The following GALNT16 variants were observed in gnomAD, a reference collection of about 807,000 sequenced individuals.
The protein encoded by GALNT16 is UDP-GalNAc:polypeptide N-acetylgalactosaminyltransferase-like protein 1.
A neutral mutation model predicts 76.1 loss-of-function variants in GALNT16; 40 were observed. The ratio of observed to expected loss-of-function variants is 0.53; its 90% CI spans 0.41 to 0.68. The LOEUF is 0.68. GALNT16 is among the 30% of genes least tolerant of loss of function. The pLI is 0.00. For missense variants in GALNT16, 621 were observed against 731.9 expected (o/e 0.85, Z 1.75); for synonymous variants, 276 against 285.2 (o/e 0.97, Z 0.32).
At chr14:69,263,320 G>A (rs1478715284) in intron 1 of GALNT16, among the ~76,000 whole-genome samples, 2 of 152,344 alleles carry the variant, frequency 1.3e-5, no homozygotes, top group East Asian at 1.9e-4. Context: ...GGGGATGTAC[G>A]TTCAAGCTTC....
the GALNT16 span, among the ~76,000 whole-genome samples, chr14:69,377,914 C>T: frequency 6.6e-6 from 1 of 150,428 alleles, no homozygotes; most frequent in Admixed American, 6.6e-5. Context: ...TCATTCCAAC[C>T]TTCAAATGAT....
chr14:69,372,146 G>A, the GALNT16 span, among the ~76,000 whole-genome samples: 1 of 152,206 alleles, frequency 6.6e-6, no homozygotes, highest in Middle Eastern at 3.4e-3. Flanking sequence ...CCTGCAGTGA[G>A]GAGTTAGAGC....
At chr14:69,309,300 TC>T (rs1205480285) in intron 1 of GALNT16, among the ~76,000 whole-genome samples, 1 of 150,952 alleles carries the variant, frequency 6.6e-6, no homozygotes, top group African/African-American at 2.4e-5. Flanking sequence ...TTCTTTTCCT[TC>T]TTTTTTTTTT....
chr14:69,263,150 G>A (rs758651527), intron 1 of GALNT16, among the ~76,000 whole-genome samples: 5 of 152,204 alleles, frequency 3.3e-5, no homozygotes, highest in African/African-American at 4.8e-5. Context: ...AAAGTGCACA[G>A]CAAGGCTTCT....
chr14:69,322,425 A>G (rs1417968042), intron 2 of GALNT16, among the ~76,000 whole-genome samples: 2 of 152,232 alleles, frequency 1.3e-5, no homozygotes, highest in African/African-American at 4.8e-5. Flanking sequence ...CTTGCCCTGG[A>G]TAATCTCTGT....
chr14:69,344,687 A>G (rs750942647), intron 12 of GALNT16, among the ~76,000 whole-genome samples: 2 of 152,008 alleles, frequency 1.3e-5, no homozygotes, highest in Non-Finnish European at 2.9e-5. Context: ...GGGCATTGCC[A>G]CTCTTGGTCA....
downstream of GALNT16, chr14:69,356,554 C>CTTTTTTTTTTTTTTTTTTTTTTTTT (rs763230954): frequency 6.9e-4 from 81 of 117,320 alleles, 10 homozygotes; most frequent in African/African-American, 1.2e-3. Flanking sequence ...GCTGTGAGCT[C>CTTTTTTTTTTTTTTTTTTTTTTTTT]TTTTTTTTTT....
At chr14:69,341,589 T>C (rs1369951492) in intron 11 of GALNT16, 92 bp from the exon 12 acceptor site, 6 of 777,004 alleles carry the variant, frequency 7.7e-6, no homozygotes, top group Non-Finnish European at 1.1e-5. Flanking sequence ...CTGCCTGAGA[T>C]AGTTGGGGCT....
chr14:69,332,127 A>T (rs2045358914), intron 7 of GALNT16, among the ~76,000 whole-genome samples: 1 of 152,276 alleles, frequency 6.6e-6, no homozygotes, highest in Admixed American at 6.5e-5. Context: ...ATACCTCATT[A>T]GTAATTTTTT....
At chr14:69,384,459 G>C in the GALNT16 span, among the ~76,000 whole-genome samples, 1 of 152,164 alleles carries the variant, frequency 6.6e-6, no homozygotes, top group Non-Finnish European at 1.5e-5. Flanking sequence ...TGCCACTCCA[G>C]CTAGCTCTTA....
Position 69,333,161 on chromosome 14 carries a change from G to T in GALNT16, c.855G>T (p.Arg285Ser), listed in dbSNP as rs1234392271. Residue 285 changes from arginine (R) to serine (S), a missense_variant, in exon 8 of 15, where the codon AGG (arginine) becomes AGT (serine). Transcript: ENST00000448469. This position sits in a 1 kb window ranked among gnomAD's most constrained non-coding sequence, Gnocchi z 4.2. ...EQKMTRTDPT[R>S]PIRTPVIAGG... ...AGATGACCCGGACAGACCCCACCAG[G>T]CCCATAAGGTCAGAGCTGCGGTGGG... 3 of 1,609,410 alleles carry T rather than the reference G, an allele frequency of 1.9e-6. No homozygotes were observed. Among genetic ancestry groups the T allele is most frequent in the African/African-American group, 2.7e-5 (2 of 74,966 alleles).
rs557968002 is a variant in GALNT16 at position 69,347,308 on chromosome 14, G to T, written c.1413+127G>T. ...TCTTACACAAACCCACTTTGCCAGG[G>T]GCCCCTAGACCCTGCTCCTACACAT... On this transcript the variant is annotated intron_variant, in intron 13 of 14. Transcript: ENST00000448469. 8.5e-4 allele frequency: 819 copies of T among 958,974 alleles called. 5 individuals are homozygous for T. Among genetic ancestry groups the T allele is most frequent in the South Asian group, 6.8e-3 (386 of 56,532 alleles). 59.4% of individuals were successfully genotyped at this position (958,974 alleles called of 1,614,324 possible).
intron 7 of GALNT16, 61 bp downstream of exon 7, chr14:69,331,612 G>A (rs562615053): frequency 1.1e-6 from 1 of 932,566 alleles, no homozygotes; most frequent in Admixed American, 1.7e-5. Flanking sequence ...AGGCTAGGCA[G>A]GCAAAAACCC....
chr14:69,324,854 G>T, intron 3 of GALNT16, 64 bp downstream of exon 3: 1 of 1,072,652 alleles, frequency 9.3e-7, no homozygotes, highest in Non-Finnish European at 1.4e-6. Context: ...GGGATTGGGC[G>T]CTGTGGCCAG....
In GALNT16 at chr14:69,341,671, C is replaced by CT. The variant is rs1316015108; in HGVS notation, c.1188-10_1188-9insT. 1.2e-6 allele frequency: 2 copies of CT among 1,601,684 alleles called. No homozygotes were observed. Among genetic ancestry groups the CT allele is most frequent in the African/African-American group, 2.7e-5 (2 of 74,558 alleles). On this transcript the variant is annotated splice_polypyrimidine_tract_variant and intron_variant, in intron 11 of 14. Coordinates refer to ENST00000448469, the MANE Select transcript of GALNT16 (RefSeq NM_001168368.2). ...GCAGGCCAAAGCCCAAGCCCTGCCT[C>CT]CTCCTACAGTGTGGCTACGCGGATA...
intron 1 of GALNT16, among the ~76,000 whole-genome samples, chr14:69,277,488 C>G (rs999985463): frequency 6.6e-6 from 1 of 152,170 alleles, no homozygotes; most frequent in African/African-American, 2.4e-5. Context: ...GTTTTCTGTC[C>G]TTACAATAGT....
At chr14:69,381,973 G>A in the GALNT16 span, among the ~76,000 whole-genome samples, 336 of 152,312 alleles carry the variant, frequency 2.2e-3, 2 homozygotes, top group African/African-American at 7.8e-3. Flanking sequence ...TTACAGGCGT[G>A]AGCCACCGCA....
At chr14:69,288,223 A>G (rs1449985108) in intron 1 of GALNT16, among the ~76,000 whole-genome samples, 1 of 152,168 alleles carries the variant, frequency 6.6e-6, no homozygotes, top group African/African-American at 2.4e-5. Flanking sequence ...TTAAAGTTGC[A>G]CAGCTTGTTT....
chr14:69,379,115 T>G, the GALNT16 span, among the ~76,000 whole-genome samples: 1 of 152,142 alleles, frequency 6.6e-6, no homozygotes, highest in African/African-American at 2.4e-5. Flanking sequence ...ACTTTTTGTA[T>G]TTTTAGTGGA....
Sources: gnomAD v4.1 joint callset for allele counts (sites outside exome capture counted in the v4.1 genomes callset) on GRCh38, gnomAD v4.1.1 for gene constraint, Gnocchi (gnomAD v3.1) non-coding constraint, MANE v1.5 for transcripts, NCBI Gene and HGNC (gene_info 2026-07-23, HGNC 2026-07-21) for gene names.